The following HDC variants were observed in gnomAD, a reference collection of about 807,000 sequenced individuals.
The protein encoded by HDC is histidine decarboxylase.
HDC carries 27 observed loss-of-function variants against 64.4 expected under a neutral mutation model. The observed-to-expected ratio is 0.42, with a 90% CI of 0.31 to 0.58. The LOEUF (loss-of-function observed/expected upper bound fraction) is 0.58, where lower values mean the gene tolerates loss of function less well. Ranked by LOEUF, HDC falls within the 20% of genes least tolerant of loss-of-function variation. The pLI, the probability that HDC is intolerant of heterozygous loss-of-function variation, is 0.16. For missense variants in HDC, 711 were observed against 833.9 expected (o/e 0.85, Z 1.81); for synonymous variants, 305 against 314.2 (o/e 0.97, Z 0.31).
chr15:50,252,359 TGG>T, intron 9 of HDC, 69 bp downstream of exon 9: 2 of 1,151,956 alleles, frequency 1.7e-6, no homozygotes, highest in South Asian at 1.2e-5. Flanking sequence ...GTACAGATTT[TGG>T]GGGGTCAGAC....
At chr15:50,265,198 T>C (rs771767859) in intron 1 of HDC, among the ~76,000 whole-genome samples, 1 of 152,004 alleles carries the variant, frequency 6.6e-6, no homozygotes, top group Admixed American at 6.6e-5. Context: ...CATGAAGGAA[T>C]GAATGTTAAG....
At chr15:50,263,680 A>G (rs544793864) in intron 1 of HDC, among the ~76,000 whole-genome samples, 3 of 152,204 alleles carry the variant, frequency 2.0e-5, no homozygotes, top group East Asian at 3.9e-4. Context: ...GGCGCATGTA[A>G]TCCCAGCTAC....
chr15:50,245,750 C>A (rs2045473325), intron 10 of HDC, among the ~76,000 whole-genome samples: 1 of 152,012 alleles, frequency 6.6e-6, no homozygotes, highest in Admixed American at 6.6e-5. Context: ...CAAAAAGTAG[C>A]CAGGCATGAT....
At position 50,265,694 on chromosome 15, in the gene HDC, G is replaced by T; in HGVS notation, c.-71C>A. The T allele has an allele frequency of 4.1e-6, 6 of 1,468,186 alleles. No individual in the cohort carries two copies. Among genetic ancestry groups the T allele is most frequent in the Non-Finnish European group, 3.8e-6 (4 of 1,049,054 alleles). The allele number at this position is 1,468,186 out of a possible 1,614,324, so 90.9% of individuals were successfully genotyped here. A position where few individuals can be genotyped will look rare whatever the true frequency, so the allele number is the denominator to read the frequency against. On this transcript the variant is annotated 5_prime_UTR_variant, in exon 1 of 12. The change creates a new upstream start codon in the 5' untranslated region. Coordinates refer to ENST00000267845, the MANE Select transcript of HDC (RefSeq NM_002112.4). ...TGGAAGGCGTGAAAGGCGTGGAGCA[G>T]CCCGGCTTCCCTCTTGCCAGTCCTG... is the stretch of plus-strand genomic sequence containing the variant.
intron 4 of HDC, 74 bp from the exon 5 acceptor site, chr15:50,254,738 T>TTCTCTCTCTATC: frequency 1.2e-6 from 1 of 862,758 alleles, no homozygotes; most frequent in Non-Finnish European, 1.7e-6. Flanking sequence ...TTCTAGTTTT[T>TTCTCTCTCTATC]TCTCTCTCTC....
intron 9 of HDC, among the ~76,000 whole-genome samples, chr15:50,250,366 TC>T (rs973526336): frequency 1.3e-5 from 2 of 151,906 alleles, no homozygotes; most frequent in African/African-American, 4.8e-5. Flanking sequence ...GAAAATCAAA[TC>T]CATAGGATTA....
intron 7 of HDC, 200 bp downstream of exon 7, chr15:50,253,400 C>A (rs2045584067): frequency 1.5e-6 from 1 of 652,730 alleles, no homozygotes; most frequent in Non-Finnish European, 2.8e-6. Context: ...CCACCTCTAA[C>A]TCTTGTCACA....
chr15:50,243,048 C>G (rs888350697), intron 11 of HDC, 42 bp from the exon 12 acceptor site: 7 of 1,613,970 alleles, frequency 4.3e-6, no homozygotes, highest in South Asian at 1.1e-5. Context: ...ATCGCACCCC[C>G]TGTCAGCATC....
At position 50,263,325 on chromosome 15, in the gene HDC, G is replaced by T; in HGVS notation, c.114C>A (p.Tyr38Ter). 6.2e-7 allele frequency: 1 copy of T among 1,614,080 alleles called. No homozygotes were observed. Among genetic ancestry groups the T allele is most frequent in the Non-Finnish European group, 8.5e-7 (1 of 1,179,964 alleles). Residue 38 changes from tyrosine to a stop codon, truncating the protein, a stop_gained, in exon 2 of 12, where the codon TAC becomes TAA. Coordinates refer to ENST00000267845, the MANE Select transcript of HDC (RefSeq NM_002112.4). LOFTEE classifies it high-confidence loss of function. ...RRVTPDVQPG[Y>*]LRAQLPESAP... ...CACTCTCAGGCAGCTGGGCTCGCAG[G>T]TAGCCAGGCTGCACGTCTGGCGTCA...
intron 9 of HDC, among the ~76,000 whole-genome samples, chr15:50,251,355 G>C (rs1483764998): frequency 6.6e-6 from 1 of 152,208 alleles, no homozygotes; most frequent in Non-Finnish European, 1.5e-5. Flanking sequence ...ATTTTGCTAG[G>C]TGATCCACAC....
At chr15:50,245,409 A>T (rs1478516535) in intron 10 of HDC, among the ~76,000 whole-genome samples, 2 of 152,120 alleles carry the variant, frequency 1.3e-5, no homozygotes, top group East Asian at 3.9e-4. Context: ...GATGATGATG[A>T]TGATGGTGAT....
Position 50,254,323 on chromosome 15 carries a change from A to AC in HDC, c.577-51dup, listed in dbSNP as rs1052949190. The AC allele has an allele frequency of 7.5e-6, 12 of 1,608,632 alleles. No homozygotes were observed. In the African/African-American group the frequency reaches 1.5e-4, roughly 20 times the overall value. On this transcript the variant is annotated intron_variant, in intron 5 of 11. Coordinates refer to ENST00000267845, the MANE Select transcript of HDC (RefSeq NM_002112.4). ...AGCAAAGAGTCATCCTGGAATGATCACCCCCCAGAAACTGCTGAAGCCTAA... is the reference window on the plus strand; with the variant it reads ...AGCAAAGAGTCATCCTGGAATGATCACCCCCCCAGAAACTGCTGAAGCCTAA...
At chr15:50,262,496 G>A (rs3784295) in intron 2 of HDC, among the ~76,000 whole-genome samples, 7,148 of 152,262 alleles carry the variant, frequency 0.047, 201 homozygotes, top group South Asian at 0.13. Context: ...GCTCCTCACC[G>A]CCAGTGGTCA....
At position 50,252,663 on chromosome 15, in the gene HDC, G is replaced by A. The variant is rs746458779; in HGVS notation, c.899C>T (p.Thr300Ile). Reference protein sequence around the residue: ...LKGIEYADSFTFNPSKWMMVH... With the variant: ...LKGIEYADSFIFNPSKWMMVH... ...CATCATCCACTTGGAAGGATTAAAG[G>A]TGAAGGAGTCGGCATACTCAATCCC... is the stretch of plus-strand genomic sequence containing the variant. The change falls in exon 8 of 12, where the codon ACC (threonine) becomes ATC (isoleucine). Residue 300 changes from threonine (T) to isoleucine (I), a missense_variant. Coordinates refer to ENST00000267845, the MANE Select transcript of HDC (RefSeq NM_002112.4). 3 of 1,614,154 alleles carry A rather than the reference G, an allele frequency of 1.9e-6. No individual in the cohort carries two copies. The highest frequency in any genetic ancestry group is 2.5e-6 in the Non-Finnish European group (3 of 1,180,026).
At chr15:50,263,168 T>C (rs2045725893) in intron 2 of HDC, 67 bp downstream of exon 2, 1 of 1,551,810 alleles carries the variant, frequency 6.4e-7, no homozygotes, top group East Asian at 2.2e-5. Context: ...CAGGTCTTTC[T>C]CCAGGCCACC....
At position 50,249,135 on chromosome 15, in the gene HDC, G is replaced by A. The variant is rs148581559; in HGVS notation, c.1042-792C>T. On this transcript the variant is annotated intron_variant, in intron 9 of 11. Coordinates refer to ENST00000267845, the MANE Select transcript of HDC (RefSeq NM_002112.4). ...TCAAATGAGCACCCAAATTTCTGCC[G>A]CTGTTAGATGAAAATTGACTCTTTG... 4.6e-5 allele frequency among the ~76,000 whole-genome samples: 7 copies of A among 152,230 alleles called. No individual in the cohort carries two copies. In the East Asian group the frequency reaches 5.8e-4, roughly 13 times the overall value.
At chr15:50,259,578 T>C (rs544965889) in intron 2 of HDC, among the ~76,000 whole-genome samples, 20 of 152,216 alleles carry the variant, frequency 1.3e-4, no homozygotes, top group Non-Finnish European at 2.6e-4. Flanking sequence ...TCTGCATTTA[T>C]GTCTTTGAGC....
In HDC at chr15:50,242,493, T is replaced by G; in HGVS notation, c.1756A>C (p.Ser586Arg). 1.9e-6 allele frequency: 3 copies of G among 1,614,114 alleles called. No individual in the cohort carries two copies. Among genetic ancestry groups the G allele is most frequent in the Non-Finnish European group, 2.5e-6 (3 of 1,179,996 alleles). The change falls in exon 12 of 12, where the codon AGT becomes CGT. Residue 586 changes from serine to arginine, a missense_variant. Coordinates refer to ENST00000267845, the MANE Select transcript of HDC (RefSeq NM_002112.4). ...QTKKKTVRSLSCNSVPVSAQK... is the reference protein window; with the variant it reads ...QTKKKTVRSLRCNSVPVSAQK... ...GCACTCACTGGCACACTGTTGCAACTGAGGGAGCGCACCGTCTTCTTCTTA... is the reference window on the plus strand; with the variant it reads ...GCACTCACTGGCACACTGTTGCAACGGAGGGAGCGCACCGTCTTCTTCTTA...
intron 2 of HDC, among the ~76,000 whole-genome samples, chr15:50,262,822 T>A (rs1173121068): frequency 6.6e-6 from 1 of 151,944 alleles, no homozygotes; most frequent in African/African-American, 2.4e-5. Flanking sequence ...TACAGAAGAG[T>A]CTCTGGCTCC....
Sources: gnomAD v4.1 joint callset for allele counts (sites outside exome capture counted in the v4.1 genomes callset) on GRCh38, gnomAD v4.1.1 for gene constraint, MANE v1.5 for transcripts, NCBI Gene and HGNC (gene_info 2026-07-23, HGNC 2026-07-21) for gene names.